ABL1: variants seen among roughly 807,000 people sequenced by gnomAD.
The protein encoded by ABL1 is tyrosine-protein kinase ABL1.
Under a neutral mutation model 94.7 loss-of-function variants are expected in ABL1, and 11 were observed. The ratio of observed to expected loss-of-function variants is 0.12; its 90% CI spans 0.07 to 0.19. The LOEUF (loss-of-function observed/expected upper bound fraction) is 0.19. Among genes scored for constraint, ABL1 ranks in the 10% least tolerant of loss-of-function variants. ABL1 has a pLI of 1.00. For synonymous variants in ABL1, 656 were observed against 622.4 expected, an observed-to-expected ratio of 1.05 and a Z score of -0.80; for missense variants, 1,082 against 1,489.4, an observed-to-expected ratio of 0.73 and a Z score of 4.50.
chr9:130,718,226 GAGAATA>G (rs1233120559), intron 1 of ABL1, among the ~76,000 whole-genome samples: 1 of 149,966 alleles, frequency 6.7e-6, no homozygotes, highest in Non-Finnish European at 1.5e-5. Context: ...GCTGAGGCAG[GAGAATA>G]TCTTGAGCCC....
At chr9:130,737,915 C>T (rs1831765818) in intron 1 of ABL1, among the ~76,000 whole-genome samples, 1 of 151,434 alleles carries the variant, frequency 6.6e-6, no homozygotes, top group Non-Finnish European at 1.5e-5. Context: ...ACTGCAACCT[C>T]CACCTCCCAG....
At chr9:130,716,039 C>T (rs1340572936) in intron 1 of ABL1, among the ~76,000 whole-genome samples, 1 of 146,608 alleles carries the variant, frequency 6.8e-6, no homozygotes, top group Non-Finnish European at 1.5e-5. Context: ...CACACACACA[C>T]ACATATATAT....
intron 1 of ABL1, among the ~76,000 whole-genome samples, chr9:130,734,731 A>C (rs1354164048): frequency 6.6e-6 from 1 of 151,812 alleles, no homozygotes; most frequent in Non-Finnish European, 1.5e-5. Flanking sequence ...CATATTGGCT[A>C]GGTTGGTCTT....
At chr9:130,832,176 T>C (rs1473065861), upstream of ABL1, among the ~76,000 whole-genome samples, 1 of 149,660 alleles carries the variant, frequency 6.7e-6, no homozygotes, top group Non-Finnish European at 1.5e-5. Context: ...CAGGCTGGAG[T>C]GTGGTGGTGC....
At chr9:130,844,458 C>T (rs965727034) in intron 1 of ABL1, among the ~76,000 whole-genome samples, 6 of 151,710 alleles carry the variant, frequency 4.0e-5, no homozygotes, top group African/African-American at 1.5e-4. Flanking sequence ...TAATTGGAGA[C>T]TTTTTCACCG....
intron 1 of ABL1, among the ~76,000 whole-genome samples, chr9:130,739,907 A>G (rs1015684976): frequency 6.6e-6 from 1 of 152,212 alleles, no homozygotes; most frequent in African/African-American, 2.4e-5. Context: ...ACAGAAAATA[A>G]AAAATAACAA....
chr9:130,780,211 C>T lies in ABL1; in HGVS notation c.136+65756C>T, dbSNP rs1224364552. ...CTGAGGCAGGAGAATCGCTTGAACC[C>T]AGGCAGCAGAGGTTGCAGTGAGCCA... On this transcript the variant is annotated intron_variant, in intron 1 of 10. Transcript: ENST00000372348. 1.3e-5 allele frequency among the ~76,000 whole-genome samples: 2 copies of T among 152,174 alleles called. 1 individual carries two copies. Among genetic ancestry groups the T allele is most frequent in the Non-Finnish European group, 2.9e-5 (2 of 68,034 alleles).
intron 1 of ABL1, among the ~76,000 whole-genome samples, chr9:130,826,946 C>T (rs546262022): frequency 2.6e-4 from 39 of 152,218 alleles, no homozygotes; most frequent in South Asian, 1.5e-3. Context: ...GGCGTGGTGG[C>T]GGGCGCCTGT....
chr9:130,718,310 T>C (rs1431813540), intron 1 of ABL1, among the ~76,000 whole-genome samples: 1 of 125,304 alleles, frequency 8.0e-6, no homozygotes, highest in East Asian at 2.3e-4. Context: ...AGAATGAGAC[T>C]CTGTCTCAAA....
chr9:130,827,102 C>A (rs190166162), intron 1 of ABL1, among the ~76,000 whole-genome samples: 141 of 152,222 alleles, frequency 9.3e-4, no homozygotes, highest in Non-Finnish European at 1.6e-3. Context: ...AAAGAAATGC[C>A]CCGTAGAGGC....
chr9:130,742,335 G>A (rs1378292938), intron 1 of ABL1, among the ~76,000 whole-genome samples: 1 of 152,132 alleles, frequency 6.6e-6, no homozygotes, highest in Non-Finnish European at 1.5e-5. Context: ...TACTGATGAT[G>A]ACTACATTTA....
intron 1 of ABL1, among the ~76,000 whole-genome samples, chr9:130,726,403 T>G (rs1215808132): frequency 6.6e-6 from 1 of 152,172 alleles, no homozygotes; most frequent in East Asian, 1.9e-4. Context: ...TGTTTTTGTT[T>G]TTAATATTCC....
chr9:130,830,612 A>G (rs1830483134), upstream of ABL1, among the ~76,000 whole-genome samples: 1 of 152,174 alleles, frequency 6.6e-6, no homozygotes, highest in Non-Finnish European at 1.5e-5. Flanking sequence ...ATGTTTGTTA[A>G]TTTGAGCTCT....
chr9:130,743,572 C>A (rs911074749), intron 1 of ABL1, among the ~76,000 whole-genome samples: 2 of 152,200 alleles, frequency 1.3e-5, no homozygotes, highest in African/African-American at 4.8e-5. Context: ...AGACACAGAG[C>A]AGCACAGCAA....
chr9:130,818,034 A>T (rs1287405582), intron 1 of ABL1, among the ~76,000 whole-genome samples: 5 of 152,234 alleles, frequency 3.3e-5, no homozygotes, highest in African/African-American at 1.2e-4. Context: ...TTTACAAAGT[A>T]AGGGTGCTAT....
intron 1 of ABL1, among the ~76,000 whole-genome samples, chr9:130,826,796 C>T (rs181588962): frequency 3.9e-5 from 6 of 151,948 alleles, no homozygotes; most frequent in Admixed American, 6.6e-5. Flanking sequence ...GAGAAATGCC[C>T]GGCCGGGCGC....
intron 1 of ABL1, among the ~76,000 whole-genome samples, chr9:130,827,934 T>TAAAG (rs1554766850): frequency 2.7e-5 from 4 of 146,126 alleles, no homozygotes; most frequent in African/African-American, 1.0e-4. Flanking sequence ...AATAAATAAA[T>TAAAG]AAAGCTATGC....
At chr9:130,786,260 G>A (rs767731975) in intron 1 of ABL1, among the ~76,000 whole-genome samples, 2 of 152,176 alleles carry the variant, frequency 1.3e-5, no homozygotes, top group Non-Finnish European at 2.9e-5. Context: ...CTCGTTGTCT[G>A]GTTCCTAGCT....
At chr9:130,819,125 G>A (rs570676487) in intron 1 of ABL1, among the ~76,000 whole-genome samples, 12 of 152,252 alleles carry the variant, frequency 7.9e-5, no homozygotes, top group South Asian at 2.1e-4. Flanking sequence ...AGGCCGAGGC[G>A]GTTAGATCAC....
Sources: gnomAD v4.1 joint callset for allele counts (sites outside exome capture counted in the v4.1 genomes callset) on GRCh38, gnomAD v4.1.1 for gene constraint, MANE v1.5 for transcripts, NCBI Gene and HGNC (gene_info 2026-07-23, HGNC 2026-07-21) for gene names.